AMOTL1: variants seen among roughly 807,000 people sequenced by gnomAD.
The protein encoded by AMOTL1 is angiomotin-like protein 1.
AMOTL1 carries 45 observed loss-of-function variants against 102.9 expected under a neutral mutation model. The ratio of observed to expected loss-of-function variants is 0.44; its 90% CI spans 0.34 to 0.56. The LOEUF (loss-of-function observed/expected upper bound fraction) is 0.56, where lower values mean the gene tolerates loss of function less well. Among genes scored for constraint, AMOTL1 ranks in the 20% least tolerant of loss-of-function variants. AMOTL1 has a pLI of 0.01. For synonymous variants in AMOTL1, 481 were observed against 484.7 expected, an observed-to-expected ratio of 0.99 and a Z score of 0.10; for missense variants, 1,114 against 1,225.6, an observed-to-expected ratio of 0.91 and a Z score of 1.36.
intron 3 of AMOTL1, among the ~76,000 whole-genome samples, chr11:94,817,853 G>A (rs1467505961): frequency 6.6e-6 from 1 of 152,184 alleles, no homozygotes; most frequent in Admixed American, 6.5e-5. Context: ...TAATTACGTA[G>A]ACTAATGAAA....
At chr11:94,782,910 T>C (rs555525965) in intron 1 of AMOTL1, among the ~76,000 whole-genome samples, 39 of 152,378 alleles carry the variant, frequency 2.6e-4, no homozygotes, top group African/African-American at 9.1e-4. Flanking sequence ...TAAAACTTTT[T>C]TTTCATAAAA....
At chr11:94,839,333 T>A (rs907086484) in intron 6 of AMOTL1, among the ~76,000 whole-genome samples, 2 of 152,260 alleles carry the variant, frequency 1.3e-5, no homozygotes, top group African/African-American at 2.4e-5. Flanking sequence ...CTGCTAGCCC[T>A]CACAGGTACA....
At chr11:94,838,419 G>T (rs1284141459) in intron 6 of AMOTL1, among the ~76,000 whole-genome samples, 1 of 152,178 alleles carries the variant, frequency 6.6e-6, no homozygotes, top group African/African-American at 2.4e-5. Context: ...TCTGTTAAGG[G>T]CCAGCTGGTA....
intron 4 of AMOTL1, among the ~76,000 whole-genome samples, chr11:94,828,378 A>G (rs1230851628): frequency 6.6e-6 from 1 of 151,568 alleles, no homozygotes; most frequent in Non-Finnish European, 1.5e-5. Flanking sequence ...TATCTCTTCT[A>G]CCTCCTCTCC....
chr11:94,782,503 ACATATGATGTTACATT>A (rs1276445086), intron 1 of AMOTL1, among the ~76,000 whole-genome samples: 3 of 152,208 alleles, frequency 2.0e-5, no homozygotes, highest in Non-Finnish European at 4.4e-5. Context: ...CCAGATGACC[ACATATGATGTTACATT>A]CATATGTAAA....
chr11:94,840,194 G>A (rs1032870004), intron 6 of AMOTL1, among the ~76,000 whole-genome samples: 1 of 152,140 alleles, frequency 6.6e-6, no homozygotes, highest in Admixed American at 6.5e-5. Context: ...AGAATACAAC[G>A]AGTAACTCCG....
chr11:94,840,180 AAGC>A (rs1381039817), intron 6 of AMOTL1, among the ~76,000 whole-genome samples: 2 of 152,252 alleles, frequency 1.3e-5, no homozygotes, highest in Non-Finnish European at 2.9e-5. Context: ...ATTAAAAAAT[AAGC>A]AGAATACAAC....
intron 1 of AMOTL1, among the ~76,000 whole-genome samples, chr11:94,728,320 C>G (rs12804246): frequency 6.6e-6 from 1 of 151,864 alleles, no homozygotes; most frequent in Non-Finnish European, 1.5e-5. Flanking sequence ...AGCCAAGAGC[C>G]CTTGTAACTG....
intron 8 of AMOTL1, among the ~76,000 whole-genome samples, chr11:94,858,606 A>G (rs568382176): frequency 6.6e-6 from 1 of 152,226 alleles, no homozygotes; most frequent in African/African-American, 2.4e-5. Flanking sequence ...ACAGGAGGGG[A>G]ATGGGTACCC....
At chr11:94,766,756 CTTG>C (rs1950859588), upstream of AMOTL1, among the ~76,000 whole-genome samples, 1 of 152,214 alleles carries the variant, frequency 6.6e-6, no homozygotes, top group African/African-American at 2.4e-5. Flanking sequence ...TGCTACTAAA[CTTG>C]TTCTGTAACA....
At chr11:94,831,333 T>C (rs1335751815) in intron 5 of AMOTL1, 119 bp from the exon 6 acceptor site, 16 of 727,664 alleles carry the variant, frequency 2.2e-5, no homozygotes, top group Non-Finnish European at 2.3e-5. Context: ...TTGTTCAGTT[T>C]TGGGCTCCTG....
chr11:94,749,321 G>A (rs1446276859), intron 3 of AMOTL1, among the ~76,000 whole-genome samples: 1 of 152,006 alleles, frequency 6.6e-6, no homozygotes, highest in Non-Finnish European at 1.5e-5. Flanking sequence ...CTCTTGAAGA[G>A]ACAGCAAGGA....
Position 94,859,609 on chromosome 11 carries a change from A to G in AMOTL1, c.2029A>G (p.Ile677Val). 1 of 1,613,954 alleles carries G rather than the reference A, an allele frequency of 6.2e-7. No homozygotes were observed. The highest frequency in any genetic ancestry group is 1.1e-5 in the South Asian group (1 of 91,046). Residue 677 changes from isoleucine to valine, a missense_variant, in exon 9 of 13, where the codon ATC becomes GTC. Coordinates refer to ENST00000433060, the MANE Select transcript of AMOTL1 (RefSeq NM_130847.3). ...LELVREKEER[I>V]LALEADMTKW... Reference sequence around the variant, plus strand: ...ACTTGTGCGGGAGAAGGAGGAGCGGATCCTGGCCCTGGAGGCCGACATGAC... The same window carrying G: ...ACTTGTGCGGGAGAAGGAGGAGCGGGTCCTGGCCCTGGAGGCCGACATGAC...
intron 3 of AMOTL1, among the ~76,000 whole-genome samples, chr11:94,756,870 A>G (rs1950731938): frequency 2.0e-5 from 3 of 152,272 alleles, no homozygotes; most frequent in Admixed American, 6.5e-5. Context: ...AATACGTGGC[A>G]TTGTGGGACC....
rs552006820 is a variant in AMOTL1, at chr11:94,812,861, G to A, written c.1122-8669G>A. ...TTCTGTTGATCTCAACCACTGGGTC[G>A]CAATCTGGGAACTGCAGCTTAGATA... On this transcript the variant is annotated intron_variant, in intron 3 of 12. Coordinates refer to ENST00000433060, the MANE Select transcript of AMOTL1 (RefSeq NM_130847.3). 2.3e-4 allele frequency among the ~76,000 whole-genome samples: 35 copies of A among 152,150 alleles called. No individual in the cohort carries two copies. In the East Asian group the frequency reaches 4.6e-3, roughly 20 times the overall value.
chr11:94,754,788 A>C (rs1456063626), intron 3 of AMOTL1, among the ~76,000 whole-genome samples: 1 of 152,056 alleles, frequency 6.6e-6, no homozygotes, highest in Non-Finnish European at 1.5e-5. Flanking sequence ...ACCCAGTCAA[A>C]TTTGAATTTC....
intron 1 of AMOTL1, among the ~76,000 whole-genome samples, chr11:94,792,804 G>C (rs1156319433): frequency 6.6e-6 from 1 of 152,176 alleles, no homozygotes; most frequent in Non-Finnish European, 1.5e-5. Context: ...TGACACTGAG[G>C]AAACAGTGGT....
intron 8 of AMOTL1, among the ~76,000 whole-genome samples, chr11:94,856,601 G>T (rs1357685784): frequency 1.3e-5 from 2 of 152,164 alleles, no homozygotes; most frequent in Non-Finnish European, 2.9e-5. Context: ...CGCAACTCAT[G>T]AATATGCCTG....
chr11:94,862,898 C>A (rs1952801618), intron 9 of AMOTL1, among the ~76,000 whole-genome samples: 1 of 152,204 alleles, frequency 6.6e-6, no homozygotes, highest in Admixed American at 6.5e-5. Context: ...TGACACTTTG[C>A]ACTTTTCTGA....
Sources: gnomAD v4.1 joint callset for allele counts (sites outside exome capture counted in the v4.1 genomes callset) on GRCh38, gnomAD v4.1.1 for gene constraint, MANE v1.5 for transcripts, NCBI Gene and HGNC (gene_info 2026-07-23, HGNC 2026-07-21) for gene names.